The following CLIP2 variants were observed in gnomAD, a reference collection of about 807,000 sequenced individuals.
CLIP2 encodes the protein CAP-Gly domain-containing linker protein 2.
Under a neutral mutation model 111.7 loss-of-function variants are expected in CLIP2, and 41 were observed. That is an observed-to-expected ratio of 0.37 (90% CI 0.29 to 0.48). The LOEUF (loss-of-function observed/expected upper bound fraction) is 0.48. CLIP2 is among the 20% of genes least tolerant of loss of function. The pLI is 0.99. For synonymous variants in CLIP2, 660 were observed against 644.2 expected (o/e 1.02, Z -0.37); for missense variants, 1,160 against 1,422.1 (o/e 0.82, Z 2.96).
intron 1 of CLIP2, among the ~76,000 whole-genome samples, chr7:74,317,208 G>A (rs1365018117): frequency 6.6e-6 from 1 of 152,248 alleles, no homozygotes; most frequent in East Asian, 1.9e-4. Context: ...TGGAGTTGAG[G>A]CAGGTAACTG....
At chr7:74,307,974 C>T (rs961055346) in intron 1 of CLIP2, among the ~76,000 whole-genome samples, 3 of 152,110 alleles carry the variant, frequency 2.0e-5, no homozygotes, top group African/African-American at 4.8e-5. Context: ...AGGCTGGGTT[C>T]CCAGAGAGGA....
chr7:74,292,230 C>T (rs1788043853), intron 1 of CLIP2, among the ~76,000 whole-genome samples: 1 of 151,726 alleles, frequency 6.6e-6, no homozygotes, highest in Non-Finnish European at 1.5e-5. Context: ...CCAGTTCTGC[C>T]CTCTTGACAC....
intron 8 of CLIP2, among the ~76,000 whole-genome samples, chr7:74,372,645 G>A (rs958920470): frequency 2.2e-4 from 33 of 152,156 alleles, no homozygotes; most frequent in Admixed American, 2.0e-3. Context: ...AGGGGCCAGC[G>A]AGGGAGGATG....
intron 1 of CLIP2, among the ~76,000 whole-genome samples, chr7:74,305,855 A>ACCCCCCCCCCC (rs1478628381): frequency 7.5e-4 from 39 of 52,272 alleles, no homozygotes; most frequent in African/African-American, 1.5e-3. Context: ...CTGCACCCCA[A>ACCCCCCCCCCC]CCCCCCCCCA....
At chr7:74,304,816 A>G (rs987315750) in intron 1 of CLIP2, among the ~76,000 whole-genome samples, 32 of 152,026 alleles carry the variant, frequency 2.1e-4, no homozygotes, top group African/African-American at 7.7e-4. Flanking sequence ...ATGGTGGCAT[A>G]CACCTGTGGT....
At chr7:74,300,384 T>C (rs1280317927) in intron 1 of CLIP2, among the ~76,000 whole-genome samples, 1 of 152,102 alleles carries the variant, frequency 6.6e-6, no homozygotes, top group Non-Finnish European at 1.5e-5. Flanking sequence ...AATCATGTGG[T>C]ATTTGATTTT....
At chr7:74,384,595 G>A (rs968348801) in intron 11 of CLIP2, among the ~76,000 whole-genome samples, 2 of 151,500 alleles carry the variant, frequency 1.3e-5, no homozygotes, top group Admixed American at 6.6e-5. Flanking sequence ...AAAGGTGTGC[G>A]CCATCACGCC....
Position 74,402,329 on chromosome 7 carries a change from C to CAA in CLIP2, c.3129+775_3129+776dup, listed in dbSNP as rs1232917733. 2.3e-3 allele frequency among the ~76,000 whole-genome samples: 99 copies of CAA among 43,170 alleles called. 1 individual carries two copies. The East Asian group carries it at 0.056, about 24-fold the overall frequency. 28.3% of individuals were successfully genotyped at this position (43,170 alleles called of 152,430 possible). On this transcript the variant is annotated intron_variant, in intron 16 of 16. Coordinates refer to ENST00000223398, the MANE Select transcript of CLIP2 (RefSeq NM_003388.5). ...TGGGCGACAGAGCGAGACTCCATCT[C>CAA]AAAAAAAAAAAAAACCAAAAAAAAA...
chr7:74,387,509 C>T (rs1791147428), intron 12 of CLIP2, among the ~76,000 whole-genome samples: 1 of 152,174 alleles, frequency 6.6e-6, no homozygotes, highest in Non-Finnish European at 1.5e-5. Flanking sequence ...CCTTGGCCTC[C>T]CAAAGTGCTG....
chr7:74,358,345 C>T (rs989196122), intron 6 of CLIP2, among the ~76,000 whole-genome samples: 1 of 151,972 alleles, frequency 6.6e-6, no homozygotes. Flanking sequence ...GCCACCATGC[C>T]CAGCCCTGCT....
At chr7:74,371,243 CAAAAA>C (rs781898485) in intron 8 of CLIP2, among the ~76,000 whole-genome samples, 1 of 61,618 alleles carries the variant, frequency 1.6e-5, no homozygotes, top group Non-Finnish European at 2.9e-5. Flanking sequence ...AACTATGCCT[CAAAAA>C]AAAAAAAAAA....
chr7:74,317,920 G>A (rs1472708870), intron 2 of CLIP2, among the ~76,000 whole-genome samples: 6 of 152,150 alleles, frequency 3.9e-5, no homozygotes, highest in Non-Finnish European at 8.8e-5. Context: ...GTTCAGGTAC[G>A]GTGGCTCACG....
chr7:74,390,061 C>T (rs1465829259), intron 13 of CLIP2, among the ~76,000 whole-genome samples: 7 of 140,826 alleles, frequency 5.0e-5, no homozygotes, highest in African/African-American at 1.9e-4. Flanking sequence ...GCACTCCAGC[C>T]GGGGCAATAG....
intron 1 of CLIP2, among the ~76,000 whole-genome samples, chr7:74,307,096 G>A (rs965313097): frequency 2.0e-5 from 3 of 152,150 alleles, no homozygotes; most frequent in African/African-American, 7.2e-5. Flanking sequence ...CTCCCCTTCC[G>A]GGTGCTCCTC....
chr7:74,372,633 G>A lies in CLIP2; in HGVS notation c.1381-299G>A, dbSNP rs549917264. The stretch of plus-strand genomic sequence containing the variant: ...AGCGAGGTGCCCATTGCTACCCCAA[G>A]CAGGGGCCAGCGAGGGAGGATGGCT... On this transcript the variant is annotated intron_variant, in intron 8 of 16. Coordinates refer to ENST00000223398, the MANE Select transcript of CLIP2 (RefSeq NM_003388.5). Among the ~76,000 whole-genome samples the A allele has an allele frequency of 9.9e-5, 15 of 152,154 alleles. No homozygotes were observed. The East Asian group carries it at 1.2e-3, about 12-fold the overall frequency.
intron 10 of CLIP2, chr7:74,380,274 T>C (rs1160098968): frequency 6.6e-6 from 1 of 152,076 alleles, no homozygotes; most frequent in Non-Finnish European, 1.5e-5. Flanking sequence ...TTTTTTTTAA[T>C]AGGTCTTTTC....
At chr7:74,403,148 G>A (rs2116720011) in intron 16 of CLIP2, among the ~76,000 whole-genome samples, 1 of 150,570 alleles carries the variant, frequency 6.6e-6, no homozygotes. Flanking sequence ...GAACCCGGGA[G>A]GCAGAGGTTG....
chr7:74,375,496 T>C (rs545931950), intron 9 of CLIP2, among the ~76,000 whole-genome samples: 1 of 124,200 alleles, frequency 8.1e-6, no homozygotes, highest in Admixed American at 1.2e-4. Context: ...GAGGTTGCAG[T>C]GAGGTGAGAT....
At chr7:74,389,071 C>G (rs1422482706) in intron 12 of CLIP2, 32 bp from the exon 13 acceptor site, 1 of 1,579,868 alleles carries the variant, frequency 6.3e-7, no homozygotes, top group Non-Finnish European at 8.6e-7. Context: ...GTTCCCAATC[C>G]TCTTCCTCCC....
Sources: gnomAD v4.1 joint callset for allele counts (sites outside exome capture counted in the v4.1 genomes callset) on GRCh38, gnomAD v4.1.1 for gene constraint, MANE v1.5 for transcripts, NCBI Gene and HGNC (gene_info 2026-07-23, HGNC 2026-07-21) for gene names.